PDSS2: variants seen among roughly 807,000 people sequenced by gnomAD.
PDSS2 encodes decaprenyl diphosphate synthase subunit 2, also known as all trans-polyprenyl-diphosphate synthase PDSS2.
In PDSS2, 31 loss-of-function variants were observed where a neutral mutation model predicts 44.5. The observed-to-expected ratio is 0.70, with a 90% CI of 0.52 to 0.94. The LOEUF is 0.94. PDSS2 is among the 40% of genes least tolerant of loss of function. The pLI is 0.00. For missense variants in PDSS2, 452 were observed against 482.2 expected (o/e 0.94, Z 0.59); for synonymous variants, 157 against 180.3 (o/e 0.87, Z 1.03).
chr6:107,368,491 C>T (rs1458604556), intron 1 of PDSS2, among the ~76,000 whole-genome samples: 1 of 152,148 alleles, frequency 6.6e-6, no homozygotes, highest in Non-Finnish European at 1.5e-5. Context: ...GTTAAGATGT[C>T]AGTTCTCCAC....
intron 1 of PDSS2, among the ~76,000 whole-genome samples, chr6:107,401,459 G>A (rs2114590398): frequency 6.6e-6 from 1 of 152,138 alleles, no homozygotes; most frequent in East Asian, 1.9e-4. Context: ...ATAAAAAGAA[G>A]CGACTGTTAC....
intron 3 of PDSS2, among the ~76,000 whole-genome samples, chr6:107,254,622 C>T (rs1448723001): frequency 6.6e-6 from 1 of 152,108 alleles, no homozygotes; most frequent in Non-Finnish European, 1.5e-5. Context: ...ATGTTCTTTA[C>T]CTAGCGACAC....
At chr6:107,402,058 T>A (rs1219608789) in intron 1 of PDSS2, among the ~76,000 whole-genome samples, 2 of 152,002 alleles carry the variant, frequency 1.3e-5, no homozygotes, top group African/African-American at 4.8e-5. Context: ...GTGGGCAGAC[T>A]TCCTGAGGTC....
At chr6:107,199,807 T>C (rs1772707959) in intron 6 of PDSS2, among the ~76,000 whole-genome samples, 1 of 152,212 alleles carries the variant, frequency 6.6e-6, no homozygotes, top group Admixed American at 6.5e-5. Context: ...TCACTCCTAG[T>C]TCTAGGAAAG....
intron 1 of PDSS2, among the ~76,000 whole-genome samples, chr6:107,338,270 TA>T (rs1474322366): frequency 6.6e-6 from 1 of 152,218 alleles, no homozygotes; most frequent in African/African-American, 2.4e-5. Context: ...TGGAACACTC[TA>T]ATTTTTTCTC....
intron 6 of PDSS2, among the ~76,000 whole-genome samples, chr6:107,206,260 C>T (rs1188897042): frequency 1.3e-5 from 2 of 152,110 alleles, no homozygotes; most frequent in Non-Finnish European, 2.9e-5. Flanking sequence ...TTAGTACAGA[C>T]CGGGTTTCAC....
At chr6:107,430,114 G>C (rs1781147168) in intron 1 of PDSS2, among the ~76,000 whole-genome samples, 1 of 151,450 alleles carries the variant, frequency 6.6e-6, no homozygotes, top group Admixed American at 6.6e-5. Flanking sequence ...TTTCTATTTT[G>C]TGGGGGTTTA....
At chr6:107,301,302 G>A (rs1266367046) in intron 2 of PDSS2, among the ~76,000 whole-genome samples, 7 of 152,094 alleles carry the variant, frequency 4.6e-5, no homozygotes, top group Admixed American at 1.3e-4. Context: ...AGAATTGCCC[G>A]GTGTGTGCAG....
chr6:107,444,158 G>T (rs954127221), intron 1 of PDSS2, among the ~76,000 whole-genome samples: 3 of 152,058 alleles, frequency 2.0e-5, no homozygotes, highest in Admixed American at 6.6e-5. Flanking sequence ...CTTCCAAGTA[G>T]CTGGGACCAC....
intron 1 of PDSS2, among the ~76,000 whole-genome samples, chr6:107,388,519 G>T (rs1779681476): frequency 6.6e-6 from 1 of 151,286 alleles, no homozygotes; most frequent in Non-Finnish European, 1.5e-5. Context: ...CGCGATCTCG[G>T]CTCACTGCAA....
chr6:107,217,384 T>C (rs1773448336), intron 4 of PDSS2, among the ~76,000 whole-genome samples: 1 of 151,944 alleles, frequency 6.6e-6, no homozygotes, highest in Non-Finnish European at 1.5e-5. Context: ...GTCAAAGTCA[T>C]AAAAGGTAAT....
At chr6:107,246,974 CAT>C (rs1774640707) in intron 3 of PDSS2, among the ~76,000 whole-genome samples, 1 of 152,282 alleles carries the variant, frequency 6.6e-6, no homozygotes, top group African/African-American at 2.4e-5. Flanking sequence ...AGTGTTACCA[CAT>C]GAGTTGAGTT....
intron 2 of PDSS2, among the ~76,000 whole-genome samples, chr6:107,306,723 C>T (rs1365732618): frequency 6.6e-6 from 1 of 152,062 alleles, no homozygotes. Flanking sequence ...ATCTGACAAG[C>T]AATTTTAAAA....
chr6:107,254,215 G>A (rs534062184), intron 3 of PDSS2, among the ~76,000 whole-genome samples: 1 of 151,768 alleles, frequency 6.6e-6, no homozygotes, highest in South Asian at 2.1e-4. Context: ...TGTATTTTTA[G>A]TAGAGATGGG....
At position 107,211,513 on chromosome 6, in the gene PDSS2, C is replaced by T. The variant is rs912646232; in HGVS notation, c.876+596G>A. Among the ~76,000 whole-genome samples, 12 of 151,878 alleles carry T rather than the reference C, an allele frequency of 7.9e-5. No homozygotes were observed. The East Asian group carries it at 1.2e-3, about 15-fold the overall frequency. On this transcript the variant is annotated intron_variant, in intron 5 of 7. Transcript: ENST00000369037. ...TTGGGAGGCCAAGGCGGGCAGATCA[C>T]GAGGTCAGGAATTCGAGACCATCCT...
At chr6:107,413,618 C>T (rs1411811351) in intron 1 of PDSS2, among the ~76,000 whole-genome samples, 5 of 152,126 alleles carry the variant, frequency 3.3e-5, no homozygotes, top group East Asian at 1.9e-4. Flanking sequence ...ATGTGTGCCA[C>T]CATGCCCGGC....
chr6:107,376,665 C>A (rs1391580713), intron 1 of PDSS2, among the ~76,000 whole-genome samples: 3 of 152,048 alleles, frequency 2.0e-5, no homozygotes, highest in Non-Finnish European at 2.9e-5. Flanking sequence ...TGGGCTGAGA[C>A]AATGGGGTTT....
intron 4 of PDSS2, among the ~76,000 whole-genome samples, chr6:107,222,338 T>C (rs1175328103): frequency 6.6e-6 from 1 of 152,074 alleles, no homozygotes; most frequent in Non-Finnish European, 1.5e-5. Flanking sequence ...CTCAGAAATA[T>C]TAATTATCAT....
At chr6:107,334,088 A>G in intron 2 of PDSS2, 110 bp downstream of exon 2, 1 of 1,012,866 alleles carries the variant, frequency 9.9e-7, no homozygotes, top group Non-Finnish European at 1.5e-6. Context: ...TTATATTTTA[A>G]TCTATCTTTG....
Sources: gnomAD v4.1 joint callset for allele counts (sites outside exome capture counted in the v4.1 genomes callset) on GRCh38, gnomAD v4.1.1 for gene constraint, MANE v1.5 for transcripts, NCBI Gene and HGNC (gene_info 2026-07-23, HGNC 2026-07-21) for gene names.